DIS3: variants seen among roughly 807,000 people sequenced by gnomAD.
DIS3 encodes the protein DIS3 exosome endoribonuclease and 3'-5' exoribonuclease.
In DIS3, 103 loss-of-function variants were observed where a neutral mutation model predicts 113.0. The ratio of observed to expected loss-of-function variants is 0.91; its 90% CI spans 0.78 to 1.07. DIS3 has a LOEUF of 1.07. DIS3 is among the 50% of genes least tolerant of loss of function. The probability of loss-of-function intolerance (pLI) is 0.00; values close to 1 mark genes in which losing one functional copy is unlikely to be tolerated. For missense variants in DIS3, 1,121 were observed against 1,167.1 expected, an observed-to-expected ratio of 0.96 and a Z score of 0.58; for synonymous variants, 402 against 394.3, an observed-to-expected ratio of 1.02 and a Z score of -0.23.
At chr13:72,778,093 C>T in intron 3 of DIS3, 94 bp downstream of exon 3, 1 of 1,125,440 alleles carries the variant, frequency 8.9e-7, no homozygotes, top group Non-Finnish European at 1.2e-6. Flanking sequence ...TACGAAAATA[C>T]TAAATAGTAA....
chr13:72,777,989 G>A (rs1434556836), intron 3 of DIS3, among the ~76,000 whole-genome samples, 198 bp downstream of exon 3: 2 of 152,088 alleles, frequency 1.3e-5, no homozygotes, highest in Non-Finnish European at 2.9e-5. Flanking sequence ...CAAATAGTGA[G>A]GGGAAAATTA....
At position 72,754,147 on chromosome 13, in the gene DIS3, A is replaced by C. The variant is rs2033367411; in HGVS notation, c.*5648T>G. 5.4e-6 allele frequency: 1 copy of C among 184,048 alleles called. No individual in the cohort carries two copies. Among genetic ancestry groups the C allele is most frequent in the South Asian group, 1.3e-4 (1 of 7,718 alleles). 11.4% of individuals were successfully genotyped at this position (184,048 alleles called of 1,614,324 possible). A position where few individuals can be genotyped will look rare whatever the true frequency, so the allele number is the denominator to read the frequency against. On this transcript the variant is annotated 3_prime_UTR_variant, in exon 21 of 21. Transcript: ENST00000377767. ...AGGACAGTCTTTAATTTTATGTGCC[A>C]ATTTTTTTTGCATTTTATTTTTTTG...
rs750066319 is a variant in DIS3 at position 72,758,567 on chromosome 13, T to C, written c.*1228A>G. On this transcript the variant is annotated 3_prime_UTR_variant, in exon 21 of 21. Transcript: ENST00000377767. ...TTTGACTCCTACTCTACTGTTTCAG[T>C]GTCACTGACCCATTTTACCTGGACC... 17 of 219,180 alleles carry C rather than the reference T, an allele frequency of 7.8e-5. 1 individual carries two copies. The highest frequency in any genetic ancestry group is 1.5e-4 in the Non-Finnish European group (16 of 109,156). The allele number at this position is 219,180 out of a possible 1,614,324, so 13.6% of individuals were successfully genotyped here.
rs188753421 is a variant in DIS3 at position 72,755,884 on chromosome 13, A to G, written c.*3911T>C. Reference sequence around the variant, plus strand: ...TGGTGCCCAGAATAAAATATACCTCATGCCTAGGGTAGGGACATCCTTTCC... The same window carrying G: ...TGGTGCCCAGAATAAAATATACCTCGTGCCTAGGGTAGGGACATCCTTTCC... On this transcript the variant is annotated 3_prime_UTR_variant, in exon 21 of 21. Coordinates refer to ENST00000377767, the MANE Select transcript of DIS3 (RefSeq NM_014953.5). The G allele has an allele frequency of 1.9e-3, 743 of 398,520 alleles. 4 individuals are homozygous for G. Among genetic ancestry groups the G allele is most frequent in the African/African-American group, 0.012 (576 of 48,716 alleles). The allele number at this position is 398,520 out of a possible 1,614,324, so 24.7% of individuals were successfully genotyped here. A position where few individuals can be genotyped will look rare whatever the true frequency, so the allele number is the denominator to read the frequency against.
chr13:72,781,267 T>C, intron 1 of DIS3: 1 of 1,551,078 alleles, frequency 6.4e-7, no homozygotes, highest in Non-Finnish European at 8.7e-7. Flanking sequence ...GCCCACATAG[T>C]TTTTTGTTCC....
intron 14 of DIS3, among the ~76,000 whole-genome samples, 197 bp downstream of exon 14, chr13:72,768,588 C>T (rs188748668): frequency 2.1e-3 from 320 of 152,312 alleles, no homozygotes; most frequent in Non-Finnish European, 3.6e-3. Flanking sequence ...AGGTTACAGT[C>T]AGCCGAGATT....
Position 72,754,314 on chromosome 13 carries a change from CTTTT to C in DIS3, c.*5477_*5480del, listed in dbSNP as rs531119727. 1.9e-3 allele frequency: 263 copies of C among 141,030 alleles called. No individual in the cohort carries two copies. The highest frequency in any genetic ancestry group is 6.4e-3 in the African/African-American group (237 of 37,072). 8.7% of individuals were successfully genotyped at this position (141,030 alleles called of 1,614,324 possible). A position where few individuals can be genotyped will look rare whatever the true frequency, so the allele number is the denominator to read the frequency against. On this transcript the variant is annotated 3_prime_UTR_variant, in exon 21 of 21. Coordinates refer to ENST00000377767, the MANE Select transcript of DIS3 (RefSeq NM_014953.5). ...GCCTTGTATGCCGTTTCTTTTTTTT[CTTTT>C]TTTTTTTTTTTGAGACAGGGTCTTA...
At position 72,757,118 on chromosome 13, in the gene DIS3, C is replaced by G. The variant is rs77564254; in HGVS notation, c.*2677G>C. 1.3e-5 allele frequency: 2 copies of G among 152,248 alleles called. No homozygotes were observed. The highest frequency in any genetic ancestry group is 2.1e-4 in the South Asian group (1 of 4,826). 9.4% of individuals were successfully genotyped at this position (152,248 alleles called of 1,614,324 possible). A position where few individuals can be genotyped will look rare whatever the true frequency, so the allele number is the denominator to read the frequency against. On this transcript the variant is annotated 3_prime_UTR_variant, in exon 21 of 21. Transcript: ENST00000377767. ...TGAACTACTCAATTGGGACTTATCCCTGAATTAAACCTTTCTAGTAGCTGA... is the reference window on the plus strand; with the variant it reads ...TGAACTACTCAATTGGGACTTATCCGTGAATTAAACCTTTCTAGTAGCTGA...
chr13:72,760,170 T>C (rs1345687806), intron 20 of DIS3, among the ~76,000 whole-genome samples: 1 of 152,172 alleles, frequency 6.6e-6, no homozygotes, highest in African/African-American at 2.4e-5. Flanking sequence ...ATTGACAGAA[T>C]CAGAGTTGAT....
Position 72,753,826 on chromosome 13 carries a change from G to A in DIS3, c.*5969C>T, listed in dbSNP as rs762284620. 27 of 1,608,676 alleles carry A rather than the reference G, an allele frequency of 1.7e-5. No individual in the cohort carries two copies. Among genetic ancestry groups the A allele is most frequent in the East Asian group, 2.2e-5 (1 of 44,716 alleles). On this transcript the variant is annotated 3_prime_UTR_variant, in exon 21 of 21. Transcript: ENST00000377767. ...TCTCAAGCATTTAATATGAAGGTAC[G>A]GAGAAAATATAGTGAAAGCTTAATA... is the stretch of plus-strand genomic sequence containing the variant.
chr13:72,765,010 T>C (rs1179132038), intron 15 of DIS3, among the ~76,000 whole-genome samples: 1 of 152,124 alleles, frequency 6.6e-6, no homozygotes, highest in Non-Finnish European at 1.5e-5. Flanking sequence ...AGTAAAAAAT[T>C]TGAGTATATT....
intron 2 of DIS3, among the ~76,000 whole-genome samples, chr13:72,780,325 C>CAAAAA (rs397851597): frequency 1.0e-3 from 57 of 55,346 alleles, no homozygotes; most frequent in Admixed American, 2.1e-3. Flanking sequence ...GACTCCATCT[C>CAAAAA]AAAAAAAAAA....
chr13:72,777,347 G>A, intron 4 of DIS3, 73 bp downstream of exon 4: 5 of 1,434,558 alleles, frequency 3.5e-6, no homozygotes, highest in Non-Finnish European at 3.8e-6. Context: ...TTTAAATTTG[G>A]TAACTATATG....
rs1369899156 is a variant in DIS3, at chr13:72,754,690, G to C, written c.*5105C>G. The C allele has an allele frequency of 1.3e-5, 2 of 152,574 alleles. No homozygotes were observed. The highest frequency in any genetic ancestry group is 4.8e-5 in the African/African-American group (2 of 41,356). The allele number at this position is 152,574 out of a possible 1,614,324, so 9.5% of individuals were successfully genotyped here. Reference sequence around the variant, plus strand: ...AGTTGTCTATCTAAACATAAGTAGAGATAAATGAAGGATTTTTTTAAATTT... The same window carrying C: ...AGTTGTCTATCTAAACATAAGTAGACATAAATGAAGGATTTTTTTAAATTT... On this transcript the variant is annotated 3_prime_UTR_variant, in exon 21 of 21. Coordinates refer to ENST00000377767, the MANE Select transcript of DIS3 (RefSeq NM_014953.5).
rs530687136 is a variant in DIS3 at position 72,765,054 on chromosome 13, G to C, written c.1970+918C>G. ...TAACCCTTGGTCATCTATTAGAAAA[G>C]TGCATATGCATGTTGAATTCCAAAA... On this transcript the variant is annotated intron_variant, in intron 15 of 20. Coordinates refer to ENST00000377767, the MANE Select transcript of DIS3 (RefSeq NM_014953.5). Among the ~76,000 whole-genome samples the C allele has an allele frequency of 1.5e-4, 23 of 152,190 alleles. No individual in the cohort carries two copies. The South Asian group carries it at 4.6e-3, about 30-fold the overall frequency.
rs2033414185 is a variant in DIS3, at chr13:72,755,092, T to C, written c.*4703A>G. 2.1e-6 allele frequency: 3 copies of C among 1,443,352 alleles called. No homozygotes were observed. Among genetic ancestry groups the C allele is most frequent in the South Asian group, 2.3e-5 (2 of 86,754 alleles). The allele number at this position is 1,443,352 out of a possible 1,614,324, so 89.4% of individuals were successfully genotyped here. ...TAGGTTTTAAAAACAGTCCCGATAA[T>C]TGCATCCTCCAGTGGTCCTACTTAA... On this transcript the variant is annotated 3_prime_UTR_variant, in exon 21 of 21. Transcript: ENST00000377767.
In DIS3 at chr13:72,780,936, C is replaced by T. The variant is rs763490458; in HGVS notation, c.296G>A (p.Arg99Lys). Residue 99 changes from arginine (R) to lysine (K), a missense_variant, in exon 2 of 21, where the codon AGA (arginine) becomes AAA (lysine). Arg to Lys is a conservative substitution (Grantham distance 26). Transcript: ENST00000377767. ...TTTATATACGGGGGCACTGCGATTTCTCACTTCTTGAAGAACTGTTTGTAG... is the reference window on the plus strand; with the variant it reads ...TTTATATACGGGGGCACTGCGATTTTTCACTTCTTGAAGAACTGTTTGTAG... ...IVLQTVLQEV[R>K]NRSAPVYKRI... 13 of 1,613,542 alleles carry T rather than the reference C, an allele frequency of 8.1e-6. No individual in the cohort carries two copies. The South Asian group carries it at 1.4e-4, about 18-fold the overall frequency.
chr13:72,763,720 T>A (rs1232237055), intron 15 of DIS3, 113 bp from the exon 16 acceptor site: 1 of 1,046,568 alleles, frequency 9.6e-7, no homozygotes, highest in Non-Finnish European at 1.3e-6. Flanking sequence ...GCATTTCCTA[T>A]GTAAACATTC....
chr13:72,773,136 ACTTTT>A (rs2033926410), intron 8 of DIS3, among the ~76,000 whole-genome samples: 1 of 152,196 alleles, frequency 6.6e-6, no homozygotes, highest in Non-Finnish European at 1.5e-5. Flanking sequence ...TATAGAACTC[ACTTTT>A]CATAGTCATG....
Sources: gnomAD v4.1 joint callset for allele counts (sites outside exome capture counted in the v4.1 genomes callset) on GRCh38, gnomAD v4.1.1 for gene constraint, MANE v1.5 for transcripts, NCBI Gene and HGNC (gene_info 2026-07-23, HGNC 2026-07-21) for gene names.